HECTD4: variants seen among roughly 807,000 people sequenced by gnomAD.
HECTD4 encodes the protein probable E3 ubiquitin-protein ligase HECTD4.
Under a neutral mutation model 471.5 loss-of-function variants are expected in HECTD4, and 114 were observed. The observed-to-expected ratio is 0.24, with a 90% CI of 0.21 to 0.28. HECTD4 has a LOEUF of 0.28. Among genes scored for constraint, HECTD4 ranks in the 10% least tolerant of loss-of-function variants. The pLI, the probability that HECTD4 is intolerant of heterozygous loss-of-function variation, is 1.00. For missense variants in HECTD4, 3,866 were observed against 5,651.5 expected, an observed-to-expected ratio of 0.68 and a Z score of 10.13; for synonymous variants, 2,012 against 2,256.0, an observed-to-expected ratio of 0.89 and a Z score of 3.07.
chr12:112,164,049 A>T, intron 73 of HECTD4, 60 bp downstream of exon 73: 2 of 1,373,676 alleles, frequency 1.5e-6, no homozygotes, highest in Non-Finnish European at 1.9e-6. Context: ...TGCTGCTGTC[A>T]TACCCTGGCT....
At chr12:112,362,023 A>T (rs1594075238) in intron 1 of HECTD4, among the ~76,000 whole-genome samples, 1 of 152,194 alleles carries the variant, frequency 6.6e-6, no homozygotes, top group East Asian at 1.9e-4. Context: ...AGAATTTGGG[A>T]GCACTCTTCT....
intron 20 of HECTD4, 44 bp downstream of exon 20, chr12:112,258,452 A>G: frequency 7.1e-7 from 1 of 1,401,884 alleles, no homozygotes; most frequent in South Asian, 1.4e-5. Context: ...TTTCACCCAA[A>G]GAAAACAAGA....
intron 25 of HECTD4, among the ~76,000 whole-genome samples, chr12:112,249,369 A>G (rs2033829641): frequency 6.6e-6 from 1 of 151,674 alleles, no homozygotes; most frequent in African/African-American, 2.4e-5. Flanking sequence ...AAAAAAAAAA[A>G]GAGACTTCAT....
chr12:112,306,585 C>G (rs2035275357), intron 6 of HECTD4, among the ~76,000 whole-genome samples: 1 of 152,118 alleles, frequency 6.6e-6, no homozygotes, highest in African/African-American at 2.4e-5. Context: ...TTTAGAGAAG[C>G]AACACTTTCT....
At chr12:112,200,978 G>A in intron 54 of HECTD4, 180 bp from the exon 55 acceptor site, 1 of 611,738 alleles carries the variant, frequency 1.6e-6, no homozygotes, top group South Asian at 1.9e-5. Context: ...ACAAACGAAA[G>A]AGAATTCACA....
chr12:112,327,642 A>G (rs1195461768), intron 1 of HECTD4, among the ~76,000 whole-genome samples: 1 of 152,188 alleles, frequency 6.6e-6, no homozygotes, highest in Non-Finnish European at 1.5e-5. Context: ...GTTTCCAAAG[A>G]CAAAAAAAAG....
Position 112,237,015 on chromosome 12 carries a change from A to T in HECTD4, c.5374T>A (p.Cys1792Ser). 1.2e-6 allele frequency: 2 copies of T among 1,611,360 alleles called. No individual in the cohort carries two copies. Among genetic ancestry groups the T allele is most frequent in the Non-Finnish European group, 1.7e-6 (2 of 1,178,916 alleles). ...LTNHLARATE[C>S]CGNQAAGNDA... ...TTCCCAGCAGCCTGGTTGCCACAGC[A>T]CTCTGTGGCTCGGGCAAGATGGTTA... Residue 1792 changes from cysteine to serine, a missense_variant, in exon 35 of 76, where the codon TGC (cysteine) becomes AGC (serine). By Grantham distance (112) the Cys-to-Ser change is moderately radical. Transcript: ENST00000682272.
chr12:112,242,977 A>G (rs757128133), intron 32 of HECTD4, among the ~76,000 whole-genome samples: 2 of 152,248 alleles, frequency 1.3e-5, no homozygotes, highest in Non-Finnish European at 2.9e-5. Context: ...TATCTGAGAT[A>G]TCTAAGACAT....
At chr12:112,335,388 T>C (rs2035935030) in intron 1 of HECTD4, among the ~76,000 whole-genome samples, 1 of 151,376 alleles carries the variant, frequency 6.6e-6, no homozygotes, top group African/African-American at 2.4e-5. Flanking sequence ...GGGAAAAGGG[T>C]GGGAAGTGGG....
In HECTD4 at chr12:112,163,630, A is replaced by G; in HGVS notation, c.12809T>C (p.Ile4270Thr). Residue 4270 changes from isoleucine to threonine, a missense_variant, in exon 74 of 76, where the codon ATC becomes ACC. Physicochemically the swap from Ile to Thr is moderately conservative, Grantham distance 89 (BLOSUM62 -1). Around this residue, in one of 16 missense-constraint regions of HECTD4, gnomAD observed 715 missense variants for 1,087.6 expected, o/e 0.66. Transcript: ENST00000682272. This position sits in a 1 kb window ranked among gnomAD's most constrained non-coding sequence, Gnocchi z 8.2. ...TAVRAGLGSI[I>T]PLQLLTMLSP... ...GAGCATGGTCAGCAGCTGCAGGGGG[A>G]TGATGGAGCCCAGGCCGGCCCGCAC... 1 of 1,539,444 alleles carries G rather than the reference A, an allele frequency of 6.5e-7. No individual in the cohort carries two copies. Among genetic ancestry groups the G allele is most frequent in the Non-Finnish European group, 8.8e-7 (1 of 1,142,574 alleles).
rs201327103 is a variant in HECTD4, at chr12:112,323,985, C to T, written c.178-4243G>A. Among the ~76,000 whole-genome samples the T allele has an allele frequency of 0.033, 910 of 27,518 alleles. 101 individuals are homozygous for T. In the East Asian group the frequency reaches 0.33, roughly 10 times the overall value. The allele number at this position is 27,518 out of a possible 152,430, so 18.1% of individuals were successfully genotyped here. On this transcript the variant is annotated intron_variant, in intron 1 of 75. Transcript: ENST00000682272. ...TTCTTTCTTCCTTCCTTCCTTCCTT[C>T]CTTCCTTCCTTCCTTCCTTCCTTCC...
chr12:112,248,487 C>G lies in HECTD4; in HGVS notation c.3976G>C (p.Glu1326Gln). The G allele has an allele frequency of 6.2e-7, 1 of 1,607,824 alleles. No individual in the cohort carries two copies. The highest frequency in any genetic ancestry group is 8.5e-7 in the Non-Finnish European group (1 of 1,177,406). Residue 1326 changes from glutamate (E) to glutamine (Q), a missense_variant, in exon 26 of 76, where the codon GAG becomes CAG. Coordinates refer to ENST00000682272, the MANE Select transcript of HECTD4 (RefSeq NM_001388303.1). ...IKEVIQPDVM[E>Q]EMVVSCVIKH... Reference sequence around the variant, plus strand: ...ATAACACAAGATACCACCATTTCCTCCATCACGTCTGGCTGAATCACTTCT... The same window carrying G: ...ATAACACAAGATACCACCATTTCCTGCATCACGTCTGGCTGAATCACTTCT...
chr12:112,263,234 A>G (rs904338743), intron 17 of HECTD4, among the ~76,000 whole-genome samples: 1 of 152,264 alleles, frequency 6.6e-6, no homozygotes, highest in Non-Finnish European at 1.5e-5. Context: ...AGGTAAACTC[A>G]TAAGTACAAA....
At chr12:112,212,417 A>AT in intron 49 of HECTD4, 70 bp downstream of exon 49, 1 of 1,328,066 alleles carries the variant, frequency 7.5e-7, no homozygotes, top group Non-Finnish European at 1.1e-6. Context: ...GCTCCCTTTC[A>AT]TTTTTCCATG....
At chr12:112,331,184 C>T (rs2035839522) in intron 1 of HECTD4, among the ~76,000 whole-genome samples, 1 of 152,102 alleles carries the variant, frequency 6.6e-6, no homozygotes, top group Non-Finnish European at 1.5e-5. Context: ...GATTCTCATG[C>T]CTCAATCTCC....
chr12:112,247,079 A>G lies in HECTD4; in HGVS notation c.4338-3T>C. ...TCACTTCTTGTAGGAACTTCTCCCT[A>G]TAAAGAAAGACTGATGTGCATTGAG... On this transcript the variant is annotated splice_polypyrimidine_tract_variant and splice_region_variant and intron_variant, in intron 28 of 75. Coordinates refer to ENST00000682272, the MANE Select transcript of HECTD4 (RefSeq NM_001388303.1). The G allele has an allele frequency of 2.5e-6, 4 of 1,595,944 alleles. No homozygotes were observed. Among genetic ancestry groups the G allele is most frequent in the African/African-American group, 1.3e-5 (1 of 74,706 alleles).
At chr12:112,168,750 T>A (rs1425107703) in intron 70 of HECTD4, among the ~76,000 whole-genome samples, 1 of 152,084 alleles carries the variant, frequency 6.6e-6, no homozygotes, top group African/African-American at 2.4e-5. Context: ...CTTTGTAGAG[T>A]CCCAGTTTCC....
At chr12:112,183,307 A>G (rs1365144408) in intron 61 of HECTD4, 41 bp from the exon 62 acceptor site, 3 of 1,499,248 alleles carry the variant, frequency 2.0e-6, no homozygotes, top group Non-Finnish European at 2.8e-6. Flanking sequence ...GAGTAGCTTG[A>G]CCAGTCATTC....
chr12:112,324,104 T>TTTCTTTCTTTCTTTC (rs2035691226), intron 1 of HECTD4, among the ~76,000 whole-genome samples: 1 of 81,134 alleles, frequency 1.2e-5, no homozygotes, highest in Non-Finnish European at 2.0e-5. Flanking sequence ...CTTTCTTTCC[T>TTTCTTTCTTTCTTTC]CTCTCTCTTT....
Sources: gnomAD v4.1 joint callset for allele counts (sites outside exome capture counted in the v4.1 genomes callset) on GRCh38, gnomAD v4.1.1 for gene constraint, gnomAD v4.1.1 regional missense constraint, Gnocchi (gnomAD v3.1) non-coding constraint, MANE v1.5 for transcripts, NCBI Gene and HGNC (gene_info 2026-07-23, HGNC 2026-07-21) for gene names.